Variants in SIRPG observed in about 807,000 individuals in gnomAD.
SIRPG encodes signal-regulatory protein gamma.
A neutral mutation model predicts 35.7 loss-of-function variants in SIRPG; 38 were observed. The ratio of observed to expected loss-of-function variants is 1.06; its 90% CI spans 0.82 to 1.40. The LOEUF (loss-of-function observed/expected upper bound fraction) is 1.40, where lower values mean the gene tolerates loss of function less well. Ranked by LOEUF, SIRPG falls within the 40% of genes most tolerant of loss-of-function variation. The pLI is 0.00. For synonymous variants in SIRPG, 215 were observed against 190.4 expected, an observed-to-expected ratio of 1.13 and a Z score of -1.06; for missense variants, 519 against 483.0, an observed-to-expected ratio of 1.07 and a Z score of -0.70.
chr20:1,634,924 T>A (rs1057122406), intron 4 of SIRPG, among the ~76,000 whole-genome samples: 5 of 151,410 alleles, frequency 3.3e-5, no homozygotes, highest in African/African-American at 7.3e-5. Context: ...GCGCCTGTAG[T>A]CCCAGCTACT....
In SIRPG at chr20:1,657,694, C is replaced by G; in HGVS notation, c.21G>C (p.Trp7Cys). The change falls in exon 1 of 6, where the codon TGG becomes TGC. Residue 7 changes from tryptophan (W) to cysteine (C), a missense_variant. Transcript: ENST00000303415. The part of the protein sequence containing the change: MPVPAS[W>C]PHPPGPFLLL... Reference sequence around the variant, plus strand: ...GCAGGAAAGGACCAGGAGGATGGGGCCAGGAGGCTGGGACAGGCATTTTGG... The same window carrying G: ...GCAGGAAAGGACCAGGAGGATGGGGGCAGGAGGCTGGGACAGGCATTTTGG... 1 of 1,614,126 alleles carries G rather than the reference C, an allele frequency of 6.2e-7. No individual in the cohort carries two copies. The highest frequency in any genetic ancestry group is 1.1e-5 in the South Asian group (1 of 91,078).
At chr20:1,678,508 A>G in the SIRPG span, among the ~76,000 whole-genome samples, 2 of 152,314 alleles carry the variant, frequency 1.3e-5, no homozygotes, top group South Asian at 2.1e-4. Context: ...GGAAGATGAA[A>G]TCATTGAAAT....
intron 1 of SIRPG, among the ~76,000 whole-genome samples, chr20:1,652,904 G>T (rs1328563285): frequency 1.3e-5 from 2 of 152,152 alleles, no homozygotes; most frequent in African/African-American, 4.8e-5. Context: ...CTGGCACATA[G>T]TAGGTATCCA....
At chr20:1,642,858 G>A (rs1305371480) in intron 2 of SIRPG, among the ~76,000 whole-genome samples, 4 of 152,140 alleles carry the variant, frequency 2.6e-5, no homozygotes, top group Non-Finnish European at 5.9e-5. Flanking sequence ...GAAATTCTGG[G>A]TTGAAAATTC....
At chr20:1,685,881 C>T in the SIRPG span, among the ~76,000 whole-genome samples, 1 of 152,132 alleles carries the variant, frequency 6.6e-6, no homozygotes. Context: ...GCCACACACC[C>T]TGTCAGGCTG....
the SIRPG span, among the ~76,000 whole-genome samples, chr20:1,664,473 A>G: frequency 5.2e-3 from 794 of 152,268 alleles, 2 homozygotes; most frequent in African/African-American, 0.018. Flanking sequence ...TCTCAAAGTG[A>G]TGGATGCAAG....
At chr20:1,677,361 G>A in the SIRPG span, among the ~76,000 whole-genome samples, 1 of 152,156 alleles carries the variant, frequency 6.6e-6, no homozygotes, top group Non-Finnish European at 1.5e-5. Flanking sequence ...AGACCATTGA[G>A]TCATGAGTAG....
chr20:1,665,962 G>T, the SIRPG span, among the ~76,000 whole-genome samples: 1 of 152,148 alleles, frequency 6.6e-6, no homozygotes, highest in African/African-American at 2.4e-5. Flanking sequence ...AGAAGGCATT[G>T]TTCTCCTAGG....
upstream of SIRPG, among the ~76,000 whole-genome samples, chr20:1,659,296 T>TAATTGTCAAATCA (rs1464184544): frequency 1.3e-5 from 2 of 152,268 alleles, no homozygotes; most frequent in Admixed American, 6.5e-5. Flanking sequence ...CTGTCATGAA[T>TAATTGTCAAATCA]AATTGTCAAA....
chr20:1,665,223 C>T, the SIRPG span: 566 of 156,688 alleles, frequency 3.6e-3, 1 homozygote, highest in Non-Finnish European at 3.6e-3. Context: ...CTGGGCCCTC[C>T]GGCTGGCCTT....
chr20:1,633,439 T>C (rs550882902), intron 4 of SIRPG: 16 of 152,322 alleles, frequency 1.1e-4, no homozygotes, highest in African/African-American at 3.8e-4. Flanking sequence ...TTTTATGAAA[T>C]TTAGTGATTA....
upstream of SIRPG, among the ~76,000 whole-genome samples, chr20:1,661,560 G>A (rs1474524561): frequency 1.3e-5 from 2 of 152,204 alleles, no homozygotes; most frequent in Non-Finnish European, 2.9e-5. Context: ...GGGCTGTCCA[G>A]ATGGGCTGGG....
At chr20:1,633,968 G>T (rs1420699906) in intron 4 of SIRPG, among the ~76,000 whole-genome samples, 1 of 152,122 alleles carries the variant, frequency 6.6e-6, no homozygotes, top group African/African-American at 2.4e-5. Context: ...CCAATAACCC[G>T]ATCTAAAGGC....
chr20:1,670,926 C>T, the SIRPG span: 1 of 335,034 alleles, frequency 3.0e-6, no homozygotes. Context: ...GAGGGTCCCC[C>T]TGTAAAGTGA....
intron 5 of SIRPG, 132 bp downstream of exon 5, chr20:1,630,090 C>A: frequency 1.4e-6 from 1 of 699,776 alleles, no homozygotes; most frequent in Non-Finnish European, 2.5e-6. Context: ...AAGGGTTCCC[C>A]AAGACTTCCG....
intron 4 of SIRPG, among the ~76,000 whole-genome samples, chr20:1,635,029 C>T (rs1255706466): frequency 1.4e-5 from 2 of 144,310 alleles, no homozygotes; most frequent in Admixed American, 1.4e-4. Context: ...GGCGACAGAG[C>T]CAGACTCCGT....
the SIRPG span, among the ~76,000 whole-genome samples, chr20:1,676,482 C>T: frequency 3.3e-5 from 5 of 152,144 alleles, no homozygotes; most frequent in East Asian, 1.9e-4. Flanking sequence ...TATGTCCTGA[C>T]GTGGAATCTC....
intron 2 of SIRPG, among the ~76,000 whole-genome samples, chr20:1,641,344 G>A (rs893019036): frequency 1.3e-5 from 2 of 152,146 alleles, no homozygotes; most frequent in African/African-American, 4.8e-5. Flanking sequence ...TTGGGAGGGT[G>A]TATGTGTACA....
At chr20:1,642,889 T>C (rs1224879193) in intron 2 of SIRPG, among the ~76,000 whole-genome samples, 1 of 152,194 alleles carries the variant, frequency 6.6e-6, no homozygotes, top group Non-Finnish European at 1.5e-5. Flanking sequence ...GAATGTTGAA[T>C]ATTGGCCCCC....
Sources: allele counts gnomAD v4.1 joint callset (sites outside exome capture counted in the v4.1 genomes callset), GRCh38; gene constraint gnomAD v4.1.1; transcripts MANE v1.5; gene names NCBI Gene and HGNC (gene_info 2026-07-23, HGNC 2026-07-21).